The following DMD variants were observed in gnomAD, a reference collection of about 807,000 sequenced individuals.
DMD encodes dystrophin, also known as mutant dystrophin.
A neutral mutation model predicts 330.1 loss-of-function variants in DMD; 63 were observed. The observed-to-expected ratio is 0.19, with a 90% CI of 0.16 to 0.24. The LOEUF (loss-of-function observed/expected upper bound fraction) is 0.24. DMD is among the 10% of genes least tolerant of loss of function. DMD has a pLI of 1.00. For synonymous variants in DMD, 1,223 were observed against 959.8 expected (o/e 1.27, Z -5.07); for missense variants, 3,344 against 2,684.1 (o/e 1.25, Z -5.43).
At chrX:31,981,136 C>A (rs1240430079) in intron 44 of DMD, among the ~76,000 whole-genome samples, 1 of 111,567 alleles carries the variant, frequency 9.0e-6, no homozygotes, top group Non-Finnish European at 1.9e-5. Context: ...TACAATTCAC[C>A]CTTTTATCCC....
intron 13 of DMD, among the ~76,000 whole-genome samples, chrX:32,585,757 T>G (rs1306719037): frequency 1.9e-5 from 2 of 105,085 alleles, no homozygotes; most frequent in Non-Finnish European, 3.9e-5. Context: ...GCATACTTGC[T>G]TATATTTCCC....
intron 1 of DMD, among the ~76,000 whole-genome samples, chrX:33,146,087 G>T (rs1408715050): frequency 1.8e-5 from 2 of 109,956 alleles, no homozygotes; most frequent in African/African-American, 3.3e-5. Context: ...GTAGAGACGG[G>T]ATTTCACCAT....
intron 17 of DMD, among the ~76,000 whole-genome samples, chrX:32,528,034 C>T (rs1256719943): frequency 1.8e-5 from 2 of 112,320 alleles, no homozygotes; most frequent in East Asian, 2.8e-4. Flanking sequence ...GAGGGCCAGG[C>T]GTGGCGGCTC....
At chrX:31,413,601 T>C (rs1037706588) in intron 60 of DMD, among the ~76,000 whole-genome samples, 2 of 112,117 alleles carry the variant, frequency 1.8e-5, no homozygotes, top group Non-Finnish European at 3.8e-5. Context: ...GCACTATTTA[T>C]GGAGGGTTGT....
At chrX:31,581,011 G>T (rs1437784958) in intron 55 of DMD, among the ~76,000 whole-genome samples, 1 of 112,059 alleles carries the variant, frequency 8.9e-6, no homozygotes, top group African/African-American at 3.2e-5. Flanking sequence ...GCTAATTCTG[G>T]AACTGAGTAA....
At chrX:32,891,938 G>C (rs752181275) in intron 2 of DMD, among the ~76,000 whole-genome samples, 2 of 110,952 alleles carry the variant, frequency 1.8e-5, no homozygotes. Context: ...TAGTTTGGGG[G>C]TTACTGCCTG....
At chrX:32,722,273 A>G (rs116061587) in intron 7 of DMD, among the ~76,000 whole-genome samples, 1,859 of 111,062 alleles carry the variant, frequency 0.017, 44 homozygotes, top group African/African-American at 0.057. Flanking sequence ...ATAATCAAAA[A>G]TAGAACAAAA....
At chrX:31,266,749 C>T in intron 62 of DMD, 1 of 1,109,365 alleles carries the variant, frequency 9.0e-7, no homozygotes, top group African/African-American at 1.8e-5. Context: ...TTGCCCCCTG[C>T]TCGCGCCACA....
At chrX:31,280,688 G>C (rs1418966142) in intron 62 of DMD, among the ~76,000 whole-genome samples, 1 of 112,355 alleles carries the variant, frequency 8.9e-6, no homozygotes, top group Non-Finnish European at 1.9e-5. Context: ...ACTGCACAAA[G>C]AATGAGGTGC....
intron 7 of DMD, among the ~76,000 whole-genome samples, chrX:32,801,757 A>C (rs2076584942): frequency 9.0e-6 from 1 of 111,430 alleles, no homozygotes; most frequent in African/African-American, 3.3e-5. Context: ...ATCATTTATT[A>C]AATAGGGAAT....
chrX:31,226,100 C>T (rs2046560395), intron 63 of DMD, among the ~76,000 whole-genome samples: 1 of 112,069 alleles, frequency 8.9e-6, no homozygotes, highest in South Asian at 3.8e-4. Flanking sequence ...AGAATAGCAT[C>T]AGTATCTGCT....
At chrX:32,027,164 G>GCACACACACACACACATA (rs368471597) in intron 44 of DMD, among the ~76,000 whole-genome samples, 1,598 of 89,479 alleles carry the variant, frequency 0.018, 36 homozygotes, top group African/African-American at 0.064. Context: ...ACACGCACGT[G>GCACACACACACACACATA]CACACACACA....
At chrX:32,412,096 A>T (rs756218321) in intron 29 of DMD, 183 bp from the exon 30 acceptor site, 1 of 1,170,283 alleles carries the variant, frequency 8.5e-7, no homozygotes, top group East Asian at 3.2e-5. Context: ...AAGGAGAAAA[A>T]TAAATAGCAA....
chrX:33,097,453 T>C (rs1192770001), intron 1 of DMD, among the ~76,000 whole-genome samples: 1 of 110,458 alleles, frequency 9.1e-6, no homozygotes, highest in Non-Finnish European at 1.9e-5. Context: ...TGGAAATTTG[T>C]TGATACAGAT....
At chrX:33,196,369 G>A (rs1272434255) in intron 1 of DMD, among the ~76,000 whole-genome samples, 1 of 111,375 alleles carries the variant, frequency 9.0e-6, no homozygotes, top group Non-Finnish European at 1.9e-5. Context: ...TTAGGACCTT[G>A]GATTTTACCC....
intron 60 of DMD, among the ~76,000 whole-genome samples, chrX:31,378,249 G>A (rs1040289926): frequency 6.3e-5 from 7 of 111,650 alleles, no homozygotes; most frequent in Admixed American, 4.8e-4. Flanking sequence ...TGCTCTGTGA[G>A]AAAGATCCAC....
At chrX:31,147,204 T>C in intron 75 of DMD, 71 bp downstream of exon 75, 1 of 1,196,302 alleles carries the variant, frequency 8.4e-7, no homozygotes, top group Non-Finnish European at 1.1e-6. Flanking sequence ...CTATAAAAAG[T>C]GCTCTCTGAG....
intron 1 of DMD, among the ~76,000 whole-genome samples, chrX:33,156,057 T>C (rs1214812179): frequency 4.5e-5 from 5 of 111,854 alleles, no homozygotes; most frequent in African/African-American, 6.5e-5. Context: ...GTGGCAAGAA[T>C]AATTGACTGC....
intron 11 of DMD, among the ~76,000 whole-genome samples, chrX:32,628,126 C>G (rs2058474833): frequency 9.2e-6 from 1 of 108,715 alleles, no homozygotes; most frequent in African/African-American, 3.4e-5. Context: ...CTATCAAATA[C>G]TACATCACAT....
Sources: gnomAD v4.1 joint callset for allele counts (sites outside exome capture counted in the v4.1 genomes callset) on GRCh38, gnomAD v4.1.1 for gene constraint, MANE v1.5 for transcripts, NCBI Gene and HGNC (gene_info 2026-07-23, HGNC 2026-07-21) for gene names.